The following CSGALNACT1 variants were observed in gnomAD, a reference collection of about 807,000 sequenced individuals.
The protein encoded by CSGALNACT1 is chondroitin sulfate N-acetylgalactosaminyltransferase 1.
Under a neutral mutation model 51.0 loss-of-function variants are expected in CSGALNACT1, and 52 were observed. That is an observed-to-expected ratio of 1.02 (90% confidence interval 0.82 to 1.29). The LOEUF (loss-of-function observed/expected upper bound fraction) is 1.29, where lower values mean the gene tolerates loss of function less well. CSGALNACT1 is among the 50% of genes most tolerant of loss of function. The pLI, the probability that CSGALNACT1 is intolerant of heterozygous loss-of-function variation, is 0.00. For missense variants in CSGALNACT1, 935 were observed against 679.2 expected (o/e 1.38, Z -4.19); for synonymous variants, 341 against 254.4 (o/e 1.34, Z -3.24).
intron 3 of CSGALNACT1, among the ~76,000 whole-genome samples, chr8:19,555,898 GCA>G (rs1438899132): frequency 1.3e-5 from 2 of 152,150 alleles, no homozygotes; most frequent in Admixed American, 6.5e-5. Context: ...TGGTAACTCA[GCA>G]CAGTCACAGA....
intron 3 of CSGALNACT1, among the ~76,000 whole-genome samples, chr8:19,569,892 A>G (rs1039059306): frequency 6.6e-6 from 1 of 152,258 alleles, no homozygotes; most frequent in African/African-American, 2.4e-5. Flanking sequence ...AACTACTGCT[A>G]CATGCAGCCA....
chr8:19,562,485 A>G (rs1465373731), intron 3 of CSGALNACT1, among the ~76,000 whole-genome samples: 1 of 98,886 alleles, frequency 1.0e-5, no homozygotes, highest in East Asian at 2.7e-4. Context: ...TTCTGCACAG[A>G]AAAAAAAAAA....
At chr8:19,591,423 G>A (rs1028423408) in intron 2 of CSGALNACT1, 3 of 152,186 alleles carry the variant, frequency 2.0e-5, no homozygotes, top group African/African-American at 4.8e-5. Context: ...CAAAATATAA[G>A]TATACTGTAA....
Position 19,538,457 on chromosome 8 carries a change from G to A in CSGALNACT1, c.-296-32327C>T, listed in dbSNP as rs17128599. ...CTAGGAGGCCAAAGCAATGATGCAG[G>A]CAAAAGATACTTGTAATTGGAATGA... is the stretch of plus-strand genomic sequence containing the variant. On this transcript the variant is annotated intron_variant, in intron 3 of 9. Transcript: ENST00000454498. Among the ~76,000 whole-genome samples, 1,089 of 152,252 alleles carry A rather than the reference G, an allele frequency of 7.2e-3. 61 individuals carry two copies. The East Asian group carries it at 0.14, about 20-fold the overall frequency.
At chr8:19,669,914 G>A (rs774866036) in intron 1 of CSGALNACT1, among the ~76,000 whole-genome samples, 2 of 152,154 alleles carry the variant, frequency 1.3e-5, no homozygotes, top group Non-Finnish European at 2.9e-5. Context: ...CCCCTCACCT[G>A]CATGTCTCCT....
Position 19,519,365 on chromosome 8 carries a change from A to G in CSGALNACT1, c.-296-13235T>C, listed in dbSNP as rs184700435. On this transcript the variant is annotated intron_variant, in intron 3 of 9. Coordinates refer to ENST00000454498, the Ensembl canonical transcript of CSGALNACT1. ...TTGCCCACACAGCTAGTAGGCCCCC[A>G]TATCCTGAAGCACCATCACAATGAT... Among the ~76,000 whole-genome samples, 55 of 152,322 alleles carry G rather than the reference A, an allele frequency of 3.6e-4. 1 individual carries two copies. Among genetic ancestry groups the G allele is most frequent in the African/African-American group, 1.2e-3 (51 of 41,574 alleles).
At chr8:19,476,726 C>A (rs2069766243) in intron 4 of CSGALNACT1, among the ~76,000 whole-genome samples, 1 of 152,186 alleles carries the variant, frequency 6.6e-6, no homozygotes. Flanking sequence ...AGTGCAACTA[C>A]CCCAAGGGTG....
chr8:19,756,701 G>C (rs990830682), intron 1 of CSGALNACT1, among the ~76,000 whole-genome samples: 1 of 152,068 alleles, frequency 6.6e-6, no homozygotes, highest in Non-Finnish European at 1.5e-5. Flanking sequence ...GGGCAGGCGA[G>C]CGCGCTGCCC....
At chr8:19,648,592 G>A (rs1433287599) in intron 1 of CSGALNACT1, among the ~76,000 whole-genome samples, 1 of 152,186 alleles carries the variant, frequency 6.6e-6, no homozygotes, top group African/African-American at 2.4e-5. Context: ...AGGATTGCCT[G>A]AGCCCAGGAG....
chr8:19,706,167 C>T (rs1442561072), intron 1 of CSGALNACT1, among the ~76,000 whole-genome samples: 1 of 152,160 alleles, frequency 6.6e-6, no homozygotes, highest in African/African-American at 2.4e-5. Flanking sequence ...CTGTGTGAGG[C>T]CTTATGTCTT....
In CSGALNACT1 at chr8:19,575,205, T is replaced by C. The variant is rs559128702; in HGVS notation, c.-297+15955A>G. Reference sequence around the variant, plus strand: ...ACCTCTCCTCTATAACCAGGGTATCTGAAGAGGCTGAACATTGTGGTTTTA... The same window carrying C: ...ACCTCTCCTCTATAACCAGGGTATCCGAAGAGGCTGAACATTGTGGTTTTA... On this transcript the variant is annotated intron_variant, in intron 3 of 9. Coordinates refer to ENST00000454498, the Ensembl canonical transcript of CSGALNACT1. 7.9e-5 allele frequency among the ~76,000 whole-genome samples: 12 copies of C among 152,332 alleles called. No homozygotes were observed. The East Asian group carries it at 2.1e-3, about 27-fold the overall frequency.
rs1237599776 is a variant in CSGALNACT1, at chr8:19,757,316, C to A, written c.-297+534G>T. ...GCAGCCGCGGAGCCTCCAGGGACCC[C>A]GGGGGCGGGGAGCAGCGGCGGCGGC... On this transcript the variant is annotated intron_variant, in intron 1 of 1. Coordinates refer to the CSGALNACT1 transcript ENST00000517494. This position sits in a 1 kb window ranked among gnomAD's most constrained non-coding sequence, Gnocchi z 4.0. 6.6e-6 allele frequency: 1 copy of A among 150,806 alleles called. No individual in the cohort carries two copies. 9.3% of individuals were successfully genotyped at this position (150,806 alleles called of 1,614,324 possible).
chr8:19,638,473 T>C (rs144399811), intron 1 of CSGALNACT1, among the ~76,000 whole-genome samples: 185 of 152,328 alleles, frequency 1.2e-3, no homozygotes, highest in African/African-American at 3.3e-3. Context: ...TTCTAGTTAT[T>C]TCTGGTTCTC....
intron 3 of CSGALNACT1, among the ~76,000 whole-genome samples, chr8:19,587,063 G>C (rs1002589009): frequency 5.9e-5 from 9 of 152,212 alleles, no homozygotes; most frequent in African/African-American, 1.7e-4. Flanking sequence ...ATGTGTTTGA[G>C]TTATTGGCCT....
intron 3 of CSGALNACT1, among the ~76,000 whole-genome samples, chr8:19,538,469 T>C (rs1450246122): frequency 6.6e-6 from 1 of 152,028 alleles, no homozygotes; most frequent in Non-Finnish European, 1.5e-5. Context: ...AAAAGATACT[T>C]GTAATTGGAA....
intron 2 of CSGALNACT1, among the ~76,000 whole-genome samples, chr8:19,600,899 G>A (rs1369686307): frequency 6.6e-6 from 1 of 150,902 alleles, no homozygotes; most frequent in Admixed American, 6.6e-5. Context: ...GGAAGGTGAA[G>A]GGGGCTTTCT....
At chr8:19,708,056 T>C (rs1476200249) in intron 1 of CSGALNACT1, among the ~76,000 whole-genome samples, 1 of 151,998 alleles carries the variant, frequency 6.6e-6, no homozygotes, top group Non-Finnish European at 1.5e-5. Flanking sequence ...ACACTGCTGC[T>C]CCACCCTGAG....
At chr8:19,637,002 C>T (rs1465678110) in intron 1 of CSGALNACT1, among the ~76,000 whole-genome samples, 2 of 151,102 alleles carry the variant, frequency 1.3e-5, no homozygotes, top group Non-Finnish European at 2.9e-5. Context: ...TCAGCCTGGC[C>T]AACATGGAGA....
chr8:19,555,579 A>C (rs943450846), intron 3 of CSGALNACT1, among the ~76,000 whole-genome samples: 1 of 152,182 alleles, frequency 6.6e-6, no homozygotes, highest in African/African-American at 2.4e-5. Flanking sequence ...ACAAAAAAAC[A>C]AGAACTTGAC....
Sources: allele counts gnomAD v4.1 joint callset (sites outside exome capture counted in the v4.1 genomes callset), GRCh38; gene constraint gnomAD v4.1.1; non-coding constraint Gnocchi (gnomAD v3.1); transcripts MANE v1.5; gene names NCBI Gene and HGNC (gene_info 2026-07-23, HGNC 2026-07-21).